FYB1: variants seen among roughly 807,000 people sequenced by gnomAD.
The protein encoded by FYB1 is FYN binding protein 1.
In FYB1, 41 loss-of-function variants were observed where a neutral mutation model predicts 94.1. The observed-to-expected ratio is 0.44, with a 90% CI of 0.34 to 0.57. The LOEUF is 0.57. Among genes scored for constraint, FYB1 ranks in the 20% least tolerant of loss-of-function variants. The pLI, the probability that FYB1 is intolerant of heterozygous loss-of-function variation, is 0.02. For missense variants in FYB1, 1,050 were observed against 976.8 expected, an observed-to-expected ratio of 1.07 and a Z score of -1.00; for synonymous variants, 367 against 353.2, an observed-to-expected ratio of 1.04 and a Z score of -0.44.
chr5:39,272,757 A>G (rs1368352265), intron 1 of FYB1, among the ~76,000 whole-genome samples: 3 of 151,958 alleles, frequency 2.0e-5, no homozygotes, highest in Non-Finnish European at 2.9e-5. Flanking sequence ...CACAAATTAC[A>G]TGATAAACAG....
chr5:39,171,443 A>G (rs907402714), intron 2 of FYB1, among the ~76,000 whole-genome samples: 1 of 152,168 alleles, frequency 6.6e-6, no homozygotes, highest in East Asian at 1.9e-4. Context: ...TGCCTGACCT[A>G]CTGAATTAGA....
At chr5:39,177,647 G>T (rs1745859618) in intron 2 of FYB1, among the ~76,000 whole-genome samples, 4 of 152,188 alleles carry the variant, frequency 2.6e-5, no homozygotes, top group South Asian at 4.1e-4. Context: ...TACAAAATTT[G>T]CCATTGTTTT....
intron 16 of FYB1, 186 bp from the exon 17 acceptor site, chr5:39,110,575 C>T: frequency 2.1e-6 from 1 of 474,642 alleles, no homozygotes; most frequent in Non-Finnish European, 3.8e-6. Flanking sequence ...CTCCTTTTCT[C>T]CCTAACTTTT....
chr5:39,208,273 G>A (rs948392886), intron 1 of FYB1, among the ~76,000 whole-genome samples: 1 of 152,178 alleles, frequency 6.6e-6, no homozygotes, highest in Non-Finnish European at 1.5e-5. Flanking sequence ...AGCAAGAGGA[G>A]AATGAATCTC....
chr5:39,170,988 TG>T (rs2150398492), intron 2 of FYB1, among the ~76,000 whole-genome samples: 1 of 152,162 alleles, frequency 6.6e-6, no homozygotes, highest in Non-Finnish European at 1.5e-5. Flanking sequence ...TTAAGTAAAT[TG>T]CTTAAAAGAA....
chr5:39,253,847 C>T (rs1440116819), intron 1 of FYB1, among the ~76,000 whole-genome samples: 1 of 152,214 alleles, frequency 6.6e-6, no homozygotes, highest in Non-Finnish European at 1.5e-5. Context: ...CCATCCTCCA[C>T]CCTCTGATAT....
chr5:39,166,697 G>C (rs1201219903), intron 2 of FYB1, among the ~76,000 whole-genome samples: 1 of 148,896 alleles, frequency 6.7e-6, no homozygotes, highest in Non-Finnish European at 1.5e-5. Flanking sequence ...TGAAATAATT[G>C]AGAAACAGAA....
intron 9 of FYB1, 96 bp from the exon 10 acceptor site, chr5:39,130,708 T>C (rs1741116246): frequency 1.0e-6 from 1 of 999,468 alleles, no homozygotes; most frequent in Admixed American, 2.1e-5. Context: ...AAAAGAGAAA[T>C]AACATTCCAG....
At chr5:39,151,545 C>T (rs1026093178) in intron 3 of FYB1, among the ~76,000 whole-genome samples, 2 of 152,202 alleles carry the variant, frequency 1.3e-5, no homozygotes, top group Non-Finnish European at 2.9e-5. Flanking sequence ...CCACCTCTGT[C>T]TTTCGAAGTG....
At chr5:39,128,790 C>A (rs181307375) in intron 10 of FYB1, among the ~76,000 whole-genome samples, 16 of 152,036 alleles carry the variant, frequency 1.1e-4, no homozygotes, top group Non-Finnish European at 1.0e-4. Flanking sequence ...GCATTTTTTT[C>A]ATTAATATAC....
intron 1 of FYB1, among the ~76,000 whole-genome samples, chr5:39,215,142 G>A (rs1396139770): frequency 1.3e-5 from 2 of 152,018 alleles, no homozygotes; most frequent in Non-Finnish European, 2.9e-5. Flanking sequence ...TGTATGTAAT[G>A]CCACATTTTA....
intron 1 of FYB1, among the ~76,000 whole-genome samples, chr5:39,226,398 TAAAAA>T (rs66997439): frequency 1.6e-4 from 24 of 151,154 alleles, no homozygotes; most frequent in East Asian, 1.9e-4. Context: ...TCCAAACCTT[TAAAAA>T]AAAAAAAAAT....
chr5:39,239,450 C>A (rs2150584305), intron 1 of FYB1, among the ~76,000 whole-genome samples: 1 of 152,206 alleles, frequency 6.6e-6, no homozygotes, highest in East Asian at 1.9e-4. Context: ...ATCTGATAAA[C>A]AATTTCAGCA....
rs188650702 is a variant in FYB1 at position 39,123,338 on chromosome 5, T to C, written c.2071+915A>G. ...TGAAAAATAAATACTTTAAAAAATATCATCTAGAAGGGTCAAAGTTACTAC... is the reference window on the plus strand; with the variant it reads ...TGAAAAATAAATACTTTAAAAAATACCATCTAGAAGGGTCAAAGTTACTAC... On this transcript the variant is annotated intron_variant, in intron 13 of 18. Coordinates refer to ENST00000512982, the MANE Select transcript of FYB1 (RefSeq NM_001465.6). 3.9e-5 allele frequency among the ~76,000 whole-genome samples: 6 copies of C among 152,262 alleles called. No homozygotes were observed. In the East Asian group the frequency reaches 1.2e-3, roughly 29 times the overall value.
At chr5:39,157,134 C>T (rs186659563) in intron 2 of FYB1, among the ~76,000 whole-genome samples, 2 of 152,104 alleles carry the variant, frequency 1.3e-5, no homozygotes, top group East Asian at 1.9e-4. Context: ...ATTAGTAAGC[C>T]GTAGCGGTGG....
intron 10 of FYB1, among the ~76,000 whole-genome samples, 167 bp downstream of exon 10, chr5:39,130,423 T>C (rs894253121): frequency 6.6e-6 from 1 of 152,074 alleles, no homozygotes; most frequent in African/African-American, 2.4e-5. Context: ...CTCGAAATGT[T>C]CTCAACACAT....
At position 39,247,563 on chromosome 5, in the gene FYB1, A is replaced by C. The variant is rs530517655; in HGVS notation, c.-28+26840T>G. 9.2e-5 allele frequency among the ~76,000 whole-genome samples: 14 copies of C among 152,298 alleles called. No homozygotes were observed. In the East Asian group the frequency reaches 2.7e-3, roughly 29 times the overall value. On this transcript the variant is annotated intron_variant, in intron 1 of 1. Coordinates refer to the FYB1 transcript ENST00000510188. Reference sequence around the variant, plus strand: ...CCTAAAATGATAAGGACTATAATTTAAAAAGAAAAATCTCACCAAATAAAG... The same window carrying C: ...CCTAAAATGATAAGGACTATAATTTCAAAAGAAAAATCTCACCAAATAAAG...
At chr5:39,246,349 CAT>C (rs1222585282) in intron 1 of FYB1, among the ~76,000 whole-genome samples, 1 of 152,174 alleles carries the variant, frequency 6.6e-6, no homozygotes, top group Non-Finnish European at 1.5e-5. Flanking sequence ...AACCAACAAA[CAT>C]GATGGGCATA....
intron 4 of FYB1, chr5:39,139,552 T>A (rs1438706795): frequency 5.5e-6 from 1 of 183,338 alleles, no homozygotes; most frequent in Non-Finnish European, 1.1e-5. Context: ...CATTTGGTTT[T>A]CTGGGCTTGC....
Sources: allele counts gnomAD v4.1 joint callset (sites outside exome capture counted in the v4.1 genomes callset), GRCh38; gene constraint gnomAD v4.1.1; transcripts MANE v1.5; gene names NCBI Gene and HGNC (gene_info 2026-07-23, HGNC 2026-07-21).